Variants in RPS6KA6 observed in about 807,000 individuals in gnomAD.
RPS6KA6 encodes ribosomal protein S6 kinase alpha-6.
A neutral mutation model predicts 65.4 loss-of-function variants in RPS6KA6; 27 were observed. That is an observed-to-expected ratio of 0.41 (90% CI 0.30 to 0.57). The LOEUF is 0.57. RPS6KA6 is among the 20% of genes least tolerant of loss of function. RPS6KA6 has a pLI of 0.24. For synonymous variants in RPS6KA6, 190 were observed against 184.2 expected, an observed-to-expected ratio of 1.03 and a Z score of -0.26; for missense variants, 486 against 555.6, an observed-to-expected ratio of 0.87 and a Z score of 1.26.
intron 20 of RPS6KA6, among the ~76,000 whole-genome samples, chrX:84,093,756 C>T (rs1167477040): frequency 1.8e-5 from 2 of 111,540 alleles, no homozygotes; most frequent in Non-Finnish European, 3.8e-5. Flanking sequence ...TCTGCTAATT[C>T]CATAAAAAAC....
At chrX:84,147,836 T>C (rs1456181351) in intron 4 of RPS6KA6, among the ~76,000 whole-genome samples, 1 of 111,763 alleles carries the variant, frequency 8.9e-6, no homozygotes, top group Non-Finnish European at 1.9e-5. Flanking sequence ...TTTTCTAGCA[T>C]CAAATTTTTA....
chrX:84,072,655 A>G (rs2033570749), intron 20 of RPS6KA6, among the ~76,000 whole-genome samples: 1 of 112,147 alleles, frequency 8.9e-6, no homozygotes, highest in African/African-American at 3.2e-5. Flanking sequence ...AAAACACTAA[A>G]GATGCCACCA....
chrX:84,080,297 G>A (rs180924079), intron 20 of RPS6KA6, among the ~76,000 whole-genome samples: 5,750 of 95,096 alleles, frequency 0.06, 217 homozygotes, highest in East Asian at 0.2. Flanking sequence ...GTGTTAGAAG[G>A]AAAACTAACA....
chrX:84,095,905 G>A (rs1030940250), intron 20 of RPS6KA6, among the ~76,000 whole-genome samples: 2 of 111,687 alleles, frequency 1.8e-5, no homozygotes, highest in Non-Finnish European at 3.8e-5. Flanking sequence ...ACTTTAGTTG[G>A]CTTTAAATAT....
intron 6 of RPS6KA6, among the ~76,000 whole-genome samples, chrX:84,141,572 C>T (rs1184250702): frequency 9.0e-6 from 1 of 110,864 alleles, no homozygotes; most frequent in East Asian, 2.8e-4. Flanking sequence ...AATTAAAAGA[C>T]GTGGACTCTC....
At chrX:84,144,536 C>T (rs1479851867) in intron 6 of RPS6KA6, among the ~76,000 whole-genome samples, 1 of 110,942 alleles carries the variant, frequency 9.0e-6, no homozygotes, top group Admixed American at 9.6e-5. Context: ...CAAATGTTGG[C>T]AAGGATGTGG....
At chrX:84,185,418 T>A (rs1336846526) in intron 1 of RPS6KA6, among the ~76,000 whole-genome samples, 2 of 111,843 alleles carry the variant, frequency 1.8e-5, no homozygotes, top group Non-Finnish European at 3.8e-5. Context: ...AGGCTCGGCA[T>A]CATTATACCT....
intron 10 of RPS6KA6, 43 bp from the exon 11 acceptor site, chrX:84,117,191 C>T: frequency 9.7e-7 from 1 of 1,027,799 alleles, no homozygotes; most frequent in Non-Finnish European, 1.3e-6. Context: ...AATTTAGCCA[C>T]ATTTTTGATT....
intron 4 of RPS6KA6, 66 bp downstream of exon 4, chrX:84,147,976 T>C (rs148423968): frequency 0.013 from 8,654 of 653,333 alleles, 56 homozygotes; most frequent in Middle Eastern, 0.024. Flanking sequence ...ATGCAAGTAA[T>C]ACACAGCATA....
intron 8 of RPS6KA6, among the ~76,000 whole-genome samples, chrX:84,132,854 C>CT (rs1334422100): frequency 2.8e-5 from 3 of 108,219 alleles, no homozygotes; most frequent in Non-Finnish European, 5.7e-5. Flanking sequence ...TCAGAGTAGC[C>CT]TGTCATTCCA....
chrX:84,143,027 A>T (rs2035134571), intron 6 of RPS6KA6, among the ~76,000 whole-genome samples: 1 of 110,798 alleles, frequency 9.0e-6, no homozygotes, highest in South Asian at 3.8e-4. Context: ...TAATAATACA[A>T]GAAAATCATA....
At position 84,064,282 on chromosome X, in the gene RPS6KA6, G is replaced by A. The variant is rs1319848303; in HGVS notation, c.2233C>T (p.Leu745=). Residue 745 remains leucine, a synonymous_variant, in exon 22 of 22, where the codon CTG becomes TTG. Transcript: ENST00000262752. ...RSMKKRTSTG[L] ...GCCTAGGAACACCACAAATCTTACA[G>A]GCCAGTTGATGTTCGCTTTTTCATG... 8.3e-7 allele frequency: 1 copy of A among 1,206,185 alleles called. No individual in the cohort carries two copies. The highest frequency in any genetic ancestry group is 1.1e-6 in the Non-Finnish European group (1 of 893,422).
At chrX:84,073,851 G>A (rs1241388500) in intron 20 of RPS6KA6, among the ~76,000 whole-genome samples, 1 of 110,115 alleles carries the variant, frequency 9.1e-6, no homozygotes, top group African/African-American at 3.3e-5. Flanking sequence ...ACCCCAATTA[G>A]AATGGCTAGT....
At chrX:84,071,403 T>G (rs2033540142) in intron 20 of RPS6KA6, among the ~76,000 whole-genome samples, 1 of 110,950 alleles carries the variant, frequency 9.0e-6, no homozygotes, top group Non-Finnish European at 1.9e-5. Flanking sequence ...TACAGAGTAT[T>G]TAGAAGCACC....
chrX:84,173,810 G>A (rs1326945636), intron 1 of RPS6KA6, among the ~76,000 whole-genome samples: 1 of 111,558 alleles, frequency 9.0e-6, no homozygotes, highest in African/African-American at 3.3e-5. Flanking sequence ...ACAGTCATGA[G>A]CCACAGTGCC....
intron 6 of RPS6KA6, among the ~76,000 whole-genome samples, chrX:84,142,383 A>G (rs2035121856): frequency 9.0e-6 from 1 of 111,432 alleles, no homozygotes; most frequent in African/African-American, 3.2e-5. Flanking sequence ...AGGGGAATTT[A>G]TAACACTAAA....
At position 84,156,061 on chromosome X, in the gene RPS6KA6, A is replaced by AC; in HGVS notation, c.258+13_258+14insG. 1 of 1,038,060 alleles carries AC rather than the reference A, an allele frequency of 9.6e-7. No individual in the cohort carries two copies. The highest frequency in any genetic ancestry group is 1.3e-6 in the Non-Finnish European group (1 of 742,326). The allele number at this position is 1,038,060 out of a possible 1,213,427, so 85.5% of individuals were successfully genotyped here. On this transcript the variant is annotated intron_variant, in intron 3 of 21. Transcript: ENST00000262752. ...TTAGAAGAGGAACAAATGGGGAAAA[A>AC]AATTATTCATTACCTTTCCAAATGA...
chrX:84,182,752 G>A (rs896934210), intron 1 of RPS6KA6, among the ~76,000 whole-genome samples: 9 of 111,765 alleles, frequency 8.1e-5, no homozygotes, highest in African/African-American at 2.9e-4. Flanking sequence ...TGGCAGGGAG[G>A]GGCCACTGCC....
In RPS6KA6 at chrX:84,107,639, A is replaced by C. The variant is rs1327444696; in HGVS notation, c.1095T>G (p.Thr365=). Residue 365 remains threonine (T), a synonymous_variant, in exon 13 of 22, where the codon ACT becomes ACG. Transcript: ENST00000262752. ...ATGCATTACCTTTAGGTGTTTTTGCAGTAAATTCAGGATCAAAACAAAAAG... is the reference window on the plus strand; with the variant it reads ...ATGCATTACCTTTAGGTGTTTTTGCCGTAAATTCAGGATCAAAACAAAAAG... ...DDTFCFDPEF[T]AKTPKDSPGL... is the part of the protein sequence containing the mutation. 8.4e-7 allele frequency: 1 copy of C among 1,187,178 alleles called. No homozygotes were observed. The highest frequency in any genetic ancestry group is 1.1e-6 in the Non-Finnish European group (1 of 876,850).
Sources: allele counts gnomAD v4.1 joint callset (sites outside exome capture counted in the v4.1 genomes callset), GRCh38; gene constraint gnomAD v4.1.1; transcripts MANE v1.5; gene names NCBI Gene and HGNC (gene_info 2026-07-23, HGNC 2026-07-21).